The following CCDC171 variants were observed in gnomAD, a reference collection of about 807,000 sequenced individuals.
CCDC171 encodes the protein coiled-coil domain containing 171.
Under a neutral mutation model 168.2 loss-of-function variants are expected in CCDC171, and 177 were observed. That is an observed-to-expected ratio of 1.05 (90% CI 0.93 to 1.19). The LOEUF (loss-of-function observed/expected upper bound fraction) is 1.19. Among genes scored for constraint, CCDC171 ranks in the 50% most tolerant of loss-of-function variants. The pLI, the probability that CCDC171 is intolerant of heterozygous loss-of-function variation, is 0.00. For synonymous variants in CCDC171, 687 were observed against 540.8 expected (o/e 1.27, Z -3.75); for missense variants, 1,991 against 1,539.0 (o/e 1.29, Z -4.91).
At chr9:15,573,828 A>G (rs985191055) in intron 3 of CCDC171, among the ~76,000 whole-genome samples, 1 of 152,074 alleles carries the variant, frequency 6.6e-6, no homozygotes, top group Non-Finnish European at 1.5e-5. Context: ...TGGGAGGCCA[A>G]GGCAGGAGGA....
At chr9:15,904,300 G>T (rs9695399) in intron 24 of CCDC171, among the ~76,000 whole-genome samples, 42,901 of 152,074 alleles carry the variant, frequency 0.28, 6,143 homozygotes, top group Admixed American at 0.34. Flanking sequence ...CCCACAAAGG[G>T]AAGCCCATCA....
At chr9:16,008,630 G>A (rs1004106941) in intron 3 of CCDC171, among the ~76,000 whole-genome samples, 8 of 152,124 alleles carry the variant, frequency 5.3e-5, no homozygotes, top group African/African-American at 1.9e-4. Context: ...TTGCCATTTT[G>A]TAATTCTTTC....
chr9:15,719,439 A>AGG lies in CCDC171; in HGVS notation c.1319-2329_1319-2328insGG, dbSNP rs1429347082. Among the ~76,000 whole-genome samples, 159 of 131,216 alleles carry AGG rather than the reference A, an allele frequency of 1.2e-3. 3 individuals carry two copies. Among genetic ancestry groups the AGG allele is most frequent in the Admixed American group, 2.2e-3 (29 of 13,288 alleles). 86.1% of individuals were successfully genotyped at this position (131,216 alleles called of 152,430 possible). The stretch of plus-strand genomic sequence containing the variant: ...GAAAGAGAGAGAGAGAGAGAGAGAG[A>AGG]GAGAGAGAAAGTTTATTCAAATGGA... On this transcript the variant is annotated intron_variant, in intron 11 of 25. Coordinates refer to ENST00000380701, the MANE Select transcript of CCDC171 (RefSeq NM_173550.4).
intron 24 of CCDC171, among the ~76,000 whole-genome samples, chr9:15,904,188 A>G (rs1218751749): frequency 1.3e-5 from 2 of 152,072 alleles, no homozygotes; most frequent in Non-Finnish European, 2.9e-5. Flanking sequence ...CCACAAAGAT[A>G]CTCCTCGAGA....
At chr9:15,953,576 G>C (rs1290823451) in intron 25 of CCDC171, among the ~76,000 whole-genome samples, 1 of 152,110 alleles carries the variant, frequency 6.6e-6, no homozygotes, top group African/African-American at 2.4e-5. Flanking sequence ...GAATTCAGTT[G>C]CTTGTATTTT....
At chr9:15,946,216 C>T in intron 25 of CCDC171, among the ~76,000 whole-genome samples, 1 of 151,888 alleles carries the variant, frequency 6.6e-6, no homozygotes. Context: ...TTTCTGAGGG[C>T]TCTGTTCTGT....
chr9:15,781,765 C>G lies in CCDC171; in HGVS notation c.3081+2615C>G, dbSNP rs111553556. ...TAATTATAAGTTATGAAGTACGTGA[C>G]GATTTCTAACATTTAGTGATCGTGT... On this transcript the variant is annotated intron_variant, in intron 20 of 25. Coordinates refer to ENST00000380701, the MANE Select transcript of CCDC171 (RefSeq NM_173550.4). Among the ~76,000 whole-genome samples, 998 of 152,210 alleles carry G rather than the reference C, an allele frequency of 6.6e-3. 3 individuals are homozygous for G. Among genetic ancestry groups the G allele is most frequent in the Non-Finnish European group, 0.011 (760 of 68,016 alleles).
rs561564958 is a variant in CCDC171 at position 15,920,517 on chromosome 9, T to A, written c.3753+95T>A. On this transcript the variant is annotated intron_variant, in intron 25 of 25. Transcript: ENST00000380701. Reference sequence around the variant, plus strand: ...ATGTTCATAAGATCATTTGCCAATATATATAATTTAGGGTAAATGATCAAT... The same window carrying A: ...ATGTTCATAAGATCATTTGCCAATAAATATAATTTAGGGTAAATGATCAAT... The A allele has an allele frequency of 2.1e-4, 185 of 875,258 alleles. No individual in the cohort carries two copies. The African/African-American group carries it at 2.4e-3, about 11-fold the overall frequency. The allele number at this position is 875,258 out of a possible 1,614,324, so 54.2% of individuals were successfully genotyped here.
At chr9:15,617,153 G>A (rs1366313421) in intron 6 of CCDC171, among the ~76,000 whole-genome samples, 1 of 152,176 alleles carries the variant, frequency 6.6e-6, no homozygotes, top group African/African-American at 2.4e-5. Flanking sequence ...TTAGCTCAGA[G>A]GAGTTTGTTC....
At chr9:15,757,316 G>A (rs557757911) in intron 18 of CCDC171, among the ~76,000 whole-genome samples, 1 of 152,292 alleles carries the variant, frequency 6.6e-6, no homozygotes, top group South Asian at 2.1e-4. Flanking sequence ...GTAGGGTATT[G>A]GAGCAGAGGT....
At chr9:15,691,833 A>T (rs1203533797) in intron 10 of CCDC171, among the ~76,000 whole-genome samples, 1 of 151,834 alleles carries the variant, frequency 6.6e-6, no homozygotes, top group Admixed American at 6.6e-5. Context: ...ATGTGCCACC[A>T]TGGCTGTCTG....
chr9:15,784,366 C>A lies in CCDC171; in HGVS notation c.3082-143C>A, dbSNP rs1255477561. On this transcript the variant is annotated intron_variant, in intron 20 of 25. Transcript: ENST00000380701. ...AGTAGTATTTTTATCTTGACTTATG[C>A]AATTAAGAAAAGCTAATTGTATTTT... The A allele has an allele frequency of 1.1e-5, 5 of 472,784 alleles. No individual in the cohort carries two copies. In the Admixed American group the frequency reaches 1.6e-4, roughly 15 times the overall value. 29.3% of individuals were successfully genotyped at this position (472,784 alleles called of 1,614,324 possible).
chr9:15,908,532 C>A (rs1396466235), intron 24 of CCDC171, among the ~76,000 whole-genome samples: 11 of 151,938 alleles, frequency 7.2e-5, no homozygotes. Context: ...GGAGGGATAG[C>A]ATTTGGAGAT....
intron 3 of CCDC171, among the ~76,000 whole-genome samples, chr9:16,015,763 T>C (rs1832996455): frequency 6.6e-6 from 1 of 152,174 alleles, no homozygotes; most frequent in African/African-American, 2.4e-5. Flanking sequence ...TCTGTACCTA[T>C]TAAACACTAA....
chr9:15,933,655 C>T (rs1826780480), intron 25 of CCDC171, among the ~76,000 whole-genome samples: 1 of 151,852 alleles, frequency 6.6e-6, no homozygotes, highest in African/African-American at 2.4e-5. Flanking sequence ...ATGGCTTTTG[C>T]TGTGTCTCAT....
intron 25 of CCDC171, among the ~76,000 whole-genome samples, chr9:15,935,080 A>G (rs1227246080): frequency 6.6e-6 from 1 of 152,102 alleles, no homozygotes; most frequent in East Asian, 1.9e-4. Flanking sequence ...CTGGAACTAC[A>G]TGGTGGTGAT....
downstream of CCDC171, among the ~76,000 whole-genome samples, chr9:15,976,806 A>G (rs544349549): frequency 1.6e-3 from 251 of 152,196 alleles, no homozygotes; most frequent in Non-Finnish European, 2.9e-3. Flanking sequence ...AATTTTTACA[A>G]TGTACTATGT....
intron 25 of CCDC171, among the ~76,000 whole-genome samples, chr9:15,949,886 T>C (rs1386254431): frequency 3.3e-5 from 5 of 152,132 alleles, no homozygotes. Flanking sequence ...CTTGTGCCAG[T>C]TTTCAAATGG....
At chr9:15,611,933 G>T (rs2043725771) in intron 6 of CCDC171, among the ~76,000 whole-genome samples, 1 of 152,194 alleles carries the variant, frequency 6.6e-6, no homozygotes, top group Non-Finnish European at 1.5e-5. Flanking sequence ...GTCTTCAGGA[G>T]ATTATTAGGT....
Sources: gnomAD v4.1 joint callset for allele counts (sites outside exome capture counted in the v4.1 genomes callset) on GRCh38, gnomAD v4.1.1 for gene constraint, MANE v1.5 for transcripts, NCBI Gene and HGNC (gene_info 2026-07-23, HGNC 2026-07-21) for gene names.